The following THSD7B variants were observed in gnomAD, a reference collection of about 807,000 sequenced individuals.
THSD7B encodes the protein thrombospondin type-1 domain-containing protein 7B.
Under a neutral mutation model 213.6 loss-of-function variants are expected in THSD7B, and 138 were observed. The ratio of observed to expected loss-of-function variants is 0.65; its 90% CI spans 0.56 to 0.74. The LOEUF is 0.74. Ranked by LOEUF, THSD7B falls within the 30% of genes least tolerant of loss-of-function variation. The pLI is 0.00. For missense variants in THSD7B, 1,931 were observed against 1,991.5 expected (o/e 0.97, Z 0.58); for synonymous variants, 742 against 687.0 (o/e 1.08, Z -1.25).
intron 2 of THSD7B, among the ~76,000 whole-genome samples, chr2:136,932,546 T>C (rs557622054): frequency 6.6e-6 from 1 of 152,346 alleles, no homozygotes; most frequent in Admixed American, 6.5e-5. Context: ...TTTTGTATAT[T>C]ATATTTTATA....
At chr2:136,913,589 C>T (rs7594752) in intron 2 of THSD7B, among the ~76,000 whole-genome samples, 62,774 of 151,732 alleles carry the variant, frequency 0.41, 14,879 homozygotes, top group Non-Finnish European at 0.55. Flanking sequence ...ATGCTGCATG[C>T]AGCCTAGGGA....
intron 17 of THSD7B, among the ~76,000 whole-genome samples, chr2:137,609,282 G>A (rs948319655): frequency 1.4e-4 from 22 of 152,212 alleles, no homozygotes; most frequent in African/African-American, 5.3e-4. Flanking sequence ...TAGAATATGA[G>A]GTAGCGATAA....
chr2:137,500,068 A>G (rs1484859958), intron 15 of THSD7B, among the ~76,000 whole-genome samples: 3 of 152,052 alleles, frequency 2.0e-5, no homozygotes, highest in Non-Finnish European at 1.5e-5. Context: ...GTTTCAAGAC[A>G]CCCCACTGTT....
intron 27 of THSD7B, among the ~76,000 whole-genome samples, chr2:137,673,520 C>A (rs984463747): frequency 3.3e-5 from 5 of 152,024 alleles, no homozygotes; most frequent in Non-Finnish European, 7.4e-5. Context: ...GGTGAACATA[C>A]CTTTTCTGAA....
intron 2 of THSD7B, among the ~76,000 whole-genome samples, chr2:136,988,318 T>A (rs1162710878): frequency 2.0e-5 from 3 of 152,224 alleles, no homozygotes; most frequent in Non-Finnish European, 4.4e-5. Flanking sequence ...ATCAGGTATT[T>A]CAGTCTGATT....
chr2:137,320,709 G>A (rs1366420502), intron 12 of THSD7B, among the ~76,000 whole-genome samples: 2 of 152,172 alleles, frequency 1.3e-5, no homozygotes, highest in African/African-American at 2.4e-5. Flanking sequence ...TTACAAAGGT[G>A]GAATGGAAAG....
chr2:137,226,347 TA>T (rs1156652411), intron 7 of THSD7B, among the ~76,000 whole-genome samples: 7 of 151,780 alleles, frequency 4.6e-5, no homozygotes, highest in African/African-American at 1.7e-4. Flanking sequence ...AGGTTTTTTT[TA>T]TTTTCTTTTT....
In THSD7B at chr2:137,405,755, G is replaced by T. The variant is rs191103781; in HGVS notation, c.2643G>T (p.Thr881=). Residue 881 remains threonine, a synonymous_variant, in exon 13 of 28, where the codon ACG becomes ACT. Coordinates refer to ENST00000409968, the MANE Select transcript of THSD7B (RefSeq NM_001316349.2). ...CCTTCACTGCTTGGTCCAAGTTTAC[G>T]CCCTGCTCCACGAACTGTGAAGCCA... The part of the protein sequence containing the change: ...DCTFTAWSKF[T]PCSTNCEATK... 5.0e-6 allele frequency: 8 copies of T among 1,613,358 alleles called. No homozygotes were observed. The highest frequency in any genetic ancestry group is 4.2e-6 in the Non-Finnish European group (5 of 1,179,742).
chr2:137,620,507 G>A (rs1178312311), intron 19 of THSD7B, 102 bp from the exon 20 acceptor site: 1 of 808,290 alleles, frequency 1.2e-6, no homozygotes, highest in Non-Finnish European at 2.0e-6. Context: ...AATATGGAAA[G>A]GTTATTATCA....
intron 5 of THSD7B, among the ~76,000 whole-genome samples, chr2:137,159,329 C>T (rs540415020): frequency 6.6e-6 from 1 of 151,936 alleles, no homozygotes; most frequent in African/African-American, 2.4e-5. Flanking sequence ...CCCAGCTACT[C>T]AGGAGGCTGA....
chr2:136,816,313 A>C (rs1393611538), intron 1 of THSD7B, among the ~76,000 whole-genome samples: 1 of 152,198 alleles, frequency 6.6e-6, no homozygotes, highest in African/African-American at 2.4e-5. Flanking sequence ...GAGGCCTGGA[A>C]GGTATCCTTT....
chr2:137,569,987 A>G (rs965154370), intron 16 of THSD7B, among the ~76,000 whole-genome samples: 1 of 151,862 alleles, frequency 6.6e-6, no homozygotes, highest in Non-Finnish European at 1.5e-5. Context: ...CAGGAAGGGA[A>G]GCAATTTCCA....
intron 20 of THSD7B, among the ~76,000 whole-genome samples, chr2:137,627,906 C>T (rs930042189): frequency 6.6e-6 from 1 of 152,216 alleles, no homozygotes; most frequent in African/African-American, 2.4e-5. Flanking sequence ...AAGAGGCAGT[C>T]AGGCATGGTT....
chr2:136,927,045 A>T (rs1684544980), intron 2 of THSD7B, among the ~76,000 whole-genome samples: 1 of 152,228 alleles, frequency 6.6e-6, no homozygotes, highest in Non-Finnish European at 1.5e-5. Context: ...AGGATAAAAT[A>T]TGATTTTTTT....
At chr2:136,873,461 G>C (rs1429029665) in intron 1 of THSD7B, among the ~76,000 whole-genome samples, 3 of 152,182 alleles carry the variant, frequency 2.0e-5, no homozygotes, top group African/African-American at 4.8e-5. Context: ...AAGGCCGGAG[G>C]TTGTTCTCTC....
intron 2 of THSD7B, among the ~76,000 whole-genome samples, chr2:137,006,255 C>CGTG (rs1290167202): frequency 3.3e-5 from 5 of 152,042 alleles, no homozygotes; most frequent in Non-Finnish European, 5.9e-5. Flanking sequence ...ATTAGCCAGG[C>CGTG]GTGGTGGCAG....
intron 1 of THSD7B, among the ~76,000 whole-genome samples, chr2:136,778,417 T>A (rs549889365): frequency 6.6e-6 from 1 of 152,218 alleles, no homozygotes; most frequent in Non-Finnish European, 1.5e-5. Flanking sequence ...CCCCTCTGTA[T>A]CATGTTCACC....
chr2:137,347,962 T>A (rs1232784428), intron 12 of THSD7B, among the ~76,000 whole-genome samples: 4 of 150,810 alleles, frequency 2.7e-5, no homozygotes, highest in Admixed American at 1.3e-4. Context: ...AATTTGGGCC[T>A]CATTTTCAAA....
At chr2:137,604,900 A>T (rs1327336021) in intron 17 of THSD7B, among the ~76,000 whole-genome samples, 1 of 152,184 alleles carries the variant, frequency 6.6e-6, no homozygotes, top group Non-Finnish European at 1.5e-5. Context: ...AGTATTTCTT[A>T]GTTCTTAATA....
Sources: gnomAD v4.1 joint callset for allele counts (sites outside exome capture counted in the v4.1 genomes callset) on GRCh38, gnomAD v4.1.1 for gene constraint, MANE v1.5 for transcripts, NCBI Gene and HGNC (gene_info 2026-07-23, HGNC 2026-07-21) for gene names.